Variants in TMEM135 observed in about 807,000 individuals in gnomAD.
The protein encoded by TMEM135 is transmembrane protein 135, also known as peroxisomal membrane protein 52.
Under a neutral mutation model 60.3 loss-of-function variants are expected in TMEM135, and 30 were observed. That is an observed-to-expected ratio of 0.50 (90% CI 0.37 to 0.68). TMEM135 has a LOEUF of 0.68. Ranked by LOEUF, TMEM135 falls within the 30% of genes least tolerant of loss-of-function variation. The pLI is 0.00. For missense variants in TMEM135, 468 were observed against 548.8 expected (o/e 0.85, Z 1.47); for synonymous variants, 190 against 186.7 (o/e 1.02, Z -0.14).
At chr11:87,252,258 G>C (rs937497684) in intron 6 of TMEM135, among the ~76,000 whole-genome samples, 1 of 152,036 alleles carries the variant, frequency 6.6e-6, no homozygotes, top group Non-Finnish European at 1.5e-5. Context: ...AGAGAATAGA[G>C]TCTAAACTCT....
At chr11:87,198,288 A>G (rs1019146458) in intron 5 of TMEM135, among the ~76,000 whole-genome samples, 2 of 152,192 alleles carry the variant, frequency 1.3e-5, no homozygotes, top group African/African-American at 4.8e-5. Flanking sequence ...ACACATTTGT[A>G]TTAGGATACC....
intron 6 of TMEM135, among the ~76,000 whole-genome samples, chr11:87,254,169 C>T (rs1941477328): frequency 6.6e-6 from 1 of 151,722 alleles, no homozygotes; most frequent in South Asian, 2.1e-4. Context: ...TTGACAATGT[C>T]AGTAATAGTT....
In TMEM135 at chr11:87,322,369, C is replaced by G. The variant is rs1418731103; in HGVS notation, c.*1036C>G. On this transcript the variant is annotated 3_prime_UTR_variant, in exon 15 of 15. Transcript: ENST00000305494. ...TTAAAAAGTCCATTTGTCACTAATT[C>G]CATTCAGGTTCTCCAACCTTCTTCT... 4.4e-6 allele frequency: 2 copies of G among 453,796 alleles called. No individual in the cohort carries two copies. Among genetic ancestry groups the G allele is most frequent in the Non-Finnish European group, 8.8e-6 (2 of 226,732 alleles). 28.1% of individuals were successfully genotyped at this position (453,796 alleles called of 1,614,324 possible). A position where few individuals can be genotyped will look rare whatever the true frequency, so the allele number is the denominator to read the frequency against.
chr11:87,278,428 C>T (rs1942004576), intron 6 of TMEM135, among the ~76,000 whole-genome samples: 1 of 150,216 alleles, frequency 6.7e-6, no homozygotes, highest in Non-Finnish European at 1.5e-5. Flanking sequence ...CCAGGCTGCA[C>T]GATTTTTGCT....
chr11:87,208,605 A>C (rs1940292260), intron 5 of TMEM135, among the ~76,000 whole-genome samples: 1 of 152,216 alleles, frequency 6.6e-6, no homozygotes, highest in Admixed American at 6.5e-5. Flanking sequence ...CAAAAAGAGA[A>C]GTAGAGAGAG....
chr11:87,226,488 G>A (rs777907162), intron 5 of TMEM135, among the ~76,000 whole-genome samples: 5 of 152,166 alleles, frequency 3.3e-5, no homozygotes, highest in African/African-American at 7.2e-5. Flanking sequence ...ATCTGTCAGC[G>A]GAATTAGAAT....
intron 3 of TMEM135, among the ~76,000 whole-genome samples, chr11:87,085,932 T>C (rs552072837): frequency 6.6e-6 from 1 of 152,292 alleles, no homozygotes; most frequent in African/African-American, 2.4e-5. Flanking sequence ...ATTCTTGGTC[T>C]TCAATAGAGT....
chr11:87,257,297 G>T (rs567234461), intron 6 of TMEM135, among the ~76,000 whole-genome samples: 35 of 152,176 alleles, frequency 2.3e-4, no homozygotes, highest in African/African-American at 7.9e-4. Flanking sequence ...TAACTCATTG[G>T]GCTATGCTAT....
rs1319906112 is a variant in TMEM135 at position 87,141,763 on chromosome 11, TATTA to T, written c.397-15577_397-15574del. Among the ~76,000 whole-genome samples, 3 of 152,180 alleles carry T rather than the reference TATTA, an allele frequency of 2.0e-5. No homozygotes were observed. In the East Asian group the frequency reaches 5.8e-4, roughly 29 times the overall value. ...GTGTCTACCCTGCAGACAGAAACTCTATTAGTTATTAGAATAGGAAAAATTTTAA... is the reference window on the plus strand; with the variant it reads ...GTGTCTACCCTGCAGACAGAAACTCTGTTATTAGAATAGGAAAAATTTTAA... On this transcript the variant is annotated intron_variant, in intron 4 of 14. Coordinates refer to ENST00000305494, the MANE Select transcript of TMEM135 (RefSeq NM_022918.4).
intron 5 of TMEM135, among the ~76,000 whole-genome samples, chr11:87,175,133 T>G (rs2512490): frequency 0.37 from 56,122 of 151,960 alleles, 10,909 homozygotes; most frequent in East Asian, 0.67. Flanking sequence ...ACTGGACTAA[T>G]TATAATAATA....
chr11:87,073,193 C>G (rs1336220861), intron 3 of TMEM135, among the ~76,000 whole-genome samples: 2 of 152,082 alleles, frequency 1.3e-5, no homozygotes, highest in Non-Finnish European at 2.9e-5. Context: ...TGCCACCACG[C>G]CCAGCTAATT....
chr11:87,218,154 C>G (rs1345350005), intron 5 of TMEM135, among the ~76,000 whole-genome samples: 1 of 152,132 alleles, frequency 6.6e-6, no homozygotes, highest in Non-Finnish European at 1.5e-5. Context: ...TCCTATAATA[C>G]AAGACAGCCC....
At chr11:87,285,936 G>T (rs1942156578) in intron 6 of TMEM135, among the ~76,000 whole-genome samples, 2 of 152,194 alleles carry the variant, frequency 1.3e-5, no homozygotes, top group Non-Finnish European at 2.9e-5. Flanking sequence ...GCTAGACACA[G>T]AGTGCTGATT....
At chr11:87,283,890 A>T (rs956945573) in intron 6 of TMEM135, among the ~76,000 whole-genome samples, 14 of 152,096 alleles carry the variant, frequency 9.2e-5, no homozygotes, top group African/African-American at 3.1e-4. Context: ...ATTAATGTTG[A>T]TTCGAAGATT....
chr11:87,063,939 A>T (rs1856593533), intron 1 of TMEM135, among the ~76,000 whole-genome samples: 1 of 152,148 alleles, frequency 6.6e-6, no homozygotes, highest in Non-Finnish European at 1.5e-5. Context: ...ATAAGCACTT[A>T]TTTCTTTTGA....
chr11:87,067,618 C>T (rs1856691891), intron 1 of TMEM135, 76 bp from the exon 2 acceptor site: 1 of 1,560,810 alleles, frequency 6.4e-7, no homozygotes. Context: ...TGCTTTTATA[C>T]AGTAGCTTCC....
intron 4 of TMEM135, among the ~76,000 whole-genome samples, chr11:87,134,524 C>T (rs1236906195): frequency 6.6e-6 from 1 of 152,208 alleles, no homozygotes; most frequent in East Asian, 1.9e-4. Context: ...GCTCTATCAT[C>T]CAGGCTGGAG....
chr11:87,231,689 A>G (rs1940891710), intron 5 of TMEM135, among the ~76,000 whole-genome samples: 1 of 152,178 alleles, frequency 6.6e-6, no homozygotes, highest in African/African-American at 2.4e-5. Flanking sequence ...ATGCCAAATG[A>G]GAACTTATAA....
chr11:87,170,102 A>G (rs535118093), intron 5 of TMEM135, among the ~76,000 whole-genome samples: 16 of 152,008 alleles, frequency 1.1e-4, no homozygotes, highest in Admixed American at 5.2e-4. Context: ...TTTATGCTTC[A>G]CAAAGTTCTC....
Sources: allele counts gnomAD v4.1 joint callset (sites outside exome capture counted in the v4.1 genomes callset), GRCh38; gene constraint gnomAD v4.1.1; transcripts MANE v1.5; gene names NCBI Gene and HGNC (gene_info 2026-07-23, HGNC 2026-07-21).